ABI3BP: variants seen among roughly 807,000 people sequenced by gnomAD.
ABI3BP encodes the protein ABI family member 3 binding protein, also known as target of Nesh-SH3.
A neutral mutation model predicts 268.6 loss-of-function variants in ABI3BP; 216 were observed. The ratio of observed to expected loss-of-function variants is 0.80; its 90% CI spans 0.72 to 0.90. The LOEUF (loss-of-function observed/expected upper bound fraction) is 0.90, where lower values mean the gene tolerates loss of function less well. Ranked by LOEUF, ABI3BP falls within the 40% of genes least tolerant of loss-of-function variation. ABI3BP has a pLI of 0.00. For synonymous variants in ABI3BP, 730 were observed against 730.0 expected (o/e 1.00, Z 0.00); for missense variants, 2,090 against 2,182.4 (o/e 0.96, Z 0.84).
rs566778292 is a variant in ABI3BP at position 100,956,907 on chromosome 3, G to A, written c.80-30426C>T. On this transcript the variant is annotated intron_variant, in intron 1 of 67. Transcript: ENST00000471714. ...TTACTGTGGCTATAGGAAGATAAGC[G>A]AGGAGAAAACAGGAAGAGGTGAAGC... is the stretch of plus-strand genomic sequence containing the variant. Among the ~76,000 whole-genome samples, 41 of 152,334 alleles carry A rather than the reference G, an allele frequency of 2.7e-4. No homozygotes were observed. The East Asian group carries it at 5.0e-3, about 19-fold the overall frequency.
intron 4 of ABI3BP, among the ~76,000 whole-genome samples, chr3:100,891,638 G>GTGACTC (rs1228119111): frequency 6.6e-6 from 1 of 152,226 alleles, no homozygotes; most frequent in East Asian, 1.9e-4. Context: ...TCCATGCTAT[G>GTGACTC]ATGCCATCCC....
intron 10 of ABI3BP, among the ~76,000 whole-genome samples, chr3:100,866,098 T>C (rs371658068): frequency 6.6e-6 from 1 of 152,184 alleles, no homozygotes; most frequent in Non-Finnish European, 1.5e-5. Flanking sequence ...AGAAGTTTAG[T>C]AAAAGGTACA....
chr3:100,865,376 A>G (rs899699031), intron 10 of ABI3BP, among the ~76,000 whole-genome samples: 2 of 152,194 alleles, frequency 1.3e-5, no homozygotes, highest in African/African-American at 4.8e-5. Context: ...CTACCACATT[A>G]TAAGACTTCT....
chr3:100,839,539 A>G, intron 24 of ABI3BP, 30 bp downstream of exon 24: 1 of 1,535,298 alleles, frequency 6.5e-7, no homozygotes, highest in East Asian at 2.4e-5. Flanking sequence ...CAACCCGTGA[A>G]AGCAGCCGTG....
Position 100,811,262 on chromosome 3 carries a change from G to C in ABI3BP, c.3509C>G (p.Thr1170Arg). 1 of 1,533,806 alleles carries C rather than the reference G, an allele frequency of 6.5e-7. No homozygotes were observed. Among genetic ancestry groups the C allele is most frequent in the African/African-American group, 1.4e-5 (1 of 72,982 alleles). Residue 1170 changes from threonine to arginine, a missense_variant, in exon 48 of 68, where the codon ACA becomes AGA. Coordinates refer to ENST00000471714, the MANE Select transcript of ABI3BP (RefSeq NM_001375547.2). Reference sequence around the variant, plus strand: ...GGTCTCAGGTGGTTCAGATACATATGTAATAGATTCCACAACTGTACCAAA... The same window carrying C: ...GGTCTCAGGTGGTTCAGATACATATCTAATAGATTCCACAACTGTACCAAA... ...EPKTEVVESI[T>R]YVSEPPETTL...
At chr3:100,935,612 A>G (rs950641650) in intron 1 of ABI3BP, among the ~76,000 whole-genome samples, 6 of 152,188 alleles carry the variant, frequency 3.9e-5, no homozygotes, top group African/African-American at 1.4e-4. Context: ...ATCCATGAGC[A>G]CGGAATGTTT....
chr3:100,756,157 A>G (rs1193855896), intron 63 of ABI3BP, among the ~76,000 whole-genome samples: 1 of 152,268 alleles, frequency 6.6e-6, no homozygotes, highest in African/African-American at 2.4e-5. Flanking sequence ...CTGATGAGAT[A>G]AATCTTATCC....
chr3:100,849,914 T>A (rs182413814), intron 17 of ABI3BP, 131 bp downstream of exon 17: 2 of 705,642 alleles, frequency 2.8e-6, no homozygotes, highest in Non-Finnish European at 4.8e-6. Context: ...AAGAATTTCA[T>A]GGTAGAGACT....
rs775852263 is a variant in ABI3BP, at chr3:100,866,859, C to T, written c.988+20G>A. 6.2e-7 allele frequency: 1 copy of T among 1,608,448 alleles called. No homozygotes were observed. Among genetic ancestry groups the T allele is most frequent in the Non-Finnish European group, 8.5e-7 (1 of 1,176,098 alleles). ...GCATTTTTTCTTTTCTCAAGGTCAA[C>T]AACATAGCGATCTCATTACCTGTTG... On this transcript the variant is annotated intron_variant, in intron 10 of 67. Coordinates refer to ENST00000471714, the MANE Select transcript of ABI3BP (RefSeq NM_001375547.2).
At chr3:100,963,209 G>A (rs972952659) in intron 1 of ABI3BP, among the ~76,000 whole-genome samples, 8 of 152,124 alleles carry the variant, frequency 5.3e-5, no homozygotes, top group African/African-American at 7.2e-5. Flanking sequence ...TTAAGCAATC[G>A]GCCCAAGATC....
At chr3:100,761,391 A>T (rs2095937398) in intron 63 of ABI3BP, among the ~76,000 whole-genome samples, 1 of 152,172 alleles carries the variant, frequency 6.6e-6, no homozygotes, top group Non-Finnish European at 1.5e-5. Flanking sequence ...AGTGCACTGC[A>T]GCTGGTAGCC....
At chr3:100,963,985 G>A (rs749404574) in intron 1 of ABI3BP, among the ~76,000 whole-genome samples, 5 of 152,190 alleles carry the variant, frequency 3.3e-5, no homozygotes, top group Non-Finnish European at 7.3e-5. Flanking sequence ...ATTCATCTTA[G>A]TTTACATTAT....
chr3:100,832,975 ATTT>A, intron 30 of ABI3BP, 147 bp downstream of exon 30: 1 of 661,792 alleles, frequency 1.5e-6, no homozygotes, highest in Non-Finnish European at 2.4e-6. Flanking sequence ...GTCATTGCAT[ATTT>A]CTTTAAAAAG....
intron 9 of ABI3BP, among the ~76,000 whole-genome samples, chr3:100,870,519 G>A (rs1230745103): frequency 1.3e-5 from 2 of 152,132 alleles, no homozygotes; most frequent in Non-Finnish European, 2.9e-5. Context: ...CTGTTAGGAT[G>A]GATATTAAGC....
At chr3:100,938,881 AGT>A (rs2067497408) in intron 1 of ABI3BP, among the ~76,000 whole-genome samples, 1 of 152,078 alleles carries the variant, frequency 6.6e-6, no homozygotes, top group South Asian at 2.1e-4. Flanking sequence ...GAAAGAACAA[AGT>A]AGGTAAAAGG....
chr3:100,989,139 C>G (rs919399782), intron 1 of ABI3BP, among the ~76,000 whole-genome samples: 1 of 152,150 alleles, frequency 6.6e-6, no homozygotes, highest in African/African-American at 2.4e-5. Flanking sequence ...CCTTTTCTTG[C>G]CTTTCTGCCT....
intron 57 of ABI3BP, among the ~76,000 whole-genome samples, chr3:100,785,397 G>A (rs2097001855): frequency 6.6e-6 from 1 of 152,106 alleles, no homozygotes; most frequent in Non-Finnish European, 1.5e-5. Context: ...AAAGGAAGGT[G>A]GACTAAGGTA....
intron 45 of ABI3BP, among the ~76,000 whole-genome samples, chr3:100,813,329 A>G (rs1246146895): frequency 6.6e-6 from 1 of 152,206 alleles, no homozygotes; most frequent in Non-Finnish European, 1.5e-5. Flanking sequence ...ATTTACTATT[A>G]AAGAGAGCCA....
chr3:100,769,791 T>C (rs1243801995), intron 62 of ABI3BP, among the ~76,000 whole-genome samples: 1 of 152,216 alleles, frequency 6.6e-6, no homozygotes, highest in Non-Finnish European at 1.5e-5. Context: ...AGTGGGTTCT[T>C]TCTCAAAACA....
Sources: gnomAD v4.1 joint callset for allele counts (sites outside exome capture counted in the v4.1 genomes callset) on GRCh38, gnomAD v4.1.1 for gene constraint, MANE v1.5 for transcripts, NCBI Gene and HGNC (gene_info 2026-07-23, HGNC 2026-07-21) for gene names.